Variants in GLI3 observed in about 807,000 individuals in gnomAD.
GLI3 encodes the protein transcription activator GLI3.
GLI3 carries 20 observed loss-of-function variants against 100.8 expected under a neutral mutation model. That is an observed-to-expected ratio of 0.20 (90% CI 0.14 to 0.29). The LOEUF (loss-of-function observed/expected upper bound fraction) is 0.29. GLI3 is among the 10% of genes least tolerant of loss of function. GLI3 has a pLI of 1.00. For synonymous variants in GLI3, 938 were observed against 860.5 expected, an observed-to-expected ratio of 1.09 and a Z score of -1.58; for missense variants, 2,040 against 2,128.5, an observed-to-expected ratio of 0.96 and a Z score of 0.82.
At chr7:42,129,181 T>C (rs846387) in intron 3 of GLI3, among the ~76,000 whole-genome samples, 35,184 of 152,100 alleles carry the variant, frequency 0.23, 4,364 homozygotes, top group Admixed American at 0.35. Flanking sequence ...TTAAGTAATT[T>C]AATCCTCAAA....
chr7:42,084,902 T>C (rs1785069621), intron 3 of GLI3, among the ~76,000 whole-genome samples: 2 of 23,138 alleles, frequency 8.6e-5, no homozygotes, highest in African/African-American at 5.3e-4. Context: ...ATTTGGATTC[T>C]TTTTTTTTTT....
At chr7:42,115,262 C>T (rs540135720) in intron 3 of GLI3, among the ~76,000 whole-genome samples, 1 of 151,598 alleles carries the variant, frequency 6.6e-6, no homozygotes, top group African/African-American at 2.4e-5. Flanking sequence ...CCTCAGCCTC[C>T]TGAGTAGCTG....
intron 3 of GLI3, among the ~76,000 whole-genome samples, chr7:42,081,891 A>G (rs1785004183): frequency 6.6e-6 from 1 of 152,142 alleles, no homozygotes; most frequent in African/African-American, 2.4e-5. Flanking sequence ...TGCTAAGTGC[A>G]GAAGTCCTCA....
chr7:42,210,679 C>A (rs3801225), intron 2 of GLI3, among the ~76,000 whole-genome samples: 55,533 of 151,546 alleles, frequency 0.37, 12,002 homozygotes, highest in East Asian at 0.72. Context: ...AAAATCATAT[C>A]TTTTTTTTTC....
chr7:42,061,439 C>T (rs1233867458), intron 4 of GLI3, among the ~76,000 whole-genome samples: 1 of 152,034 alleles, frequency 6.6e-6, no homozygotes, highest in Non-Finnish European at 1.5e-5. Flanking sequence ...TCCTACTTCC[C>T]CTGATTCTTT....
Position 41,964,233 on chromosome 7 carries a change from AATAC to A in GLI3, c.*93_*96del. 1 of 1,015,536 alleles carries A rather than the reference AATAC, an allele frequency of 9.8e-7. No individual in the cohort carries two copies. Among genetic ancestry groups the A allele is most frequent in the Non-Finnish European group, 1.5e-6 (1 of 656,374 alleles). 62.9% of individuals were successfully genotyped at this position (1,015,536 alleles called of 1,614,324 possible). ...CAGTTAGGTGAGATGAGATTGCTAAAATACATACAGAACTAAAAAAACAGCCAAA... is the reference window on the plus strand; with the variant it reads ...CAGTTAGGTGAGATGAGATTGCTAAAATACAGAACTAAAAAAACAGCCAAA... On this transcript the variant is annotated 3_prime_UTR_variant, in exon 15 of 15. Transcript: ENST00000395925.
rs751524763 is a variant in GLI3 at position 41,978,585 on chromosome 7, A to G, written c.1647+14T>C. ...AAGGACCCAAGTGTGCCTGCCACCC[A>G]CTTCTGTACTCACAGTGCATTTGTG... On this transcript the variant is annotated intron_variant, in intron 11 of 14. Transcript: ENST00000395925. The G allele has an allele frequency of 4.3e-6, 7 of 1,613,826 alleles. No homozygotes were observed. In the South Asian group the frequency reaches 5.5e-5, roughly 13 times the overall value.
rs570829058 is a variant in GLI3, at chr7:42,172,820, T to C, written c.125-24352A>G. 14 of 572,250 alleles carry C rather than the reference T, an allele frequency of 2.4e-5. No homozygotes were observed. In the East Asian group the frequency reaches 3.9e-4, roughly 16 times the overall value. The allele number at this position is 572,250 out of a possible 1,614,324, so 35.4% of individuals were successfully genotyped here. A position where few individuals can be genotyped will look rare whatever the true frequency, so the allele number is the denominator to read the frequency against. On this transcript the variant is annotated intron_variant, in intron 2 of 14. Coordinates refer to ENST00000395925, the MANE Select transcript of GLI3 (RefSeq NM_000168.6). ...GCCATTTATGACTCTCAAAGAGCCATTCACCTTCTACCTAATATCACTCTC... is the reference window on the plus strand; with the variant it reads ...GCCATTTATGACTCTCAAAGAGCCACTCACCTTCTACCTAATATCACTCTC...
chr7:42,139,771 G>A (rs1009918128), intron 3 of GLI3, among the ~76,000 whole-genome samples: 2 of 152,210 alleles, frequency 1.3e-5, no homozygotes, highest in Non-Finnish European at 2.9e-5. Flanking sequence ...GGACGCCTGG[G>A]AGGGGAGCCC....
At position 41,989,472 on chromosome 7, in the gene GLI3, T is replaced by C. The variant is rs182484086; in HGVS notation, c.1498-10724A>G. The stretch of plus-strand genomic sequence containing the variant: ...GCCAGAGGAGCTAAGAAAGTGGCTA[T>C]AAATGCAACCTCTCCGAAGGATCAA... On this transcript the variant is annotated intron_variant, in intron 10 of 14. Transcript: ENST00000395925. Among the ~76,000 whole-genome samples the C allele has an allele frequency of 1.2e-3, 181 of 152,314 alleles. 1 individual carries two copies. The highest frequency in any genetic ancestry group is 4.3e-3 in the African/African-American group (177 of 41,578).
intron 3 of GLI3, among the ~76,000 whole-genome samples, chr7:42,103,742 A>AG (rs139157487): frequency 0.49 from 74,048 of 151,358 alleles, 19,757 homozygotes; most frequent in East Asian, 0.7. Flanking sequence ...TCACCTATCC[A>AG]AGAGCACCCA....
rs570557499 is a variant in GLI3 at position 41,998,139 on chromosome 7, T to C, written c.1498-19391A>G. On this transcript the variant is annotated intron_variant, in intron 10 of 14. Transcript: ENST00000395925. ...TAAGGTAATGCTTGGAAAGAGGCGG[T>C]AAAGGATGGAAATGGTCACTAGGGA... 7.9e-5 allele frequency among the ~76,000 whole-genome samples: 12 copies of C among 152,188 alleles called. No individual in the cohort carries two copies. The South Asian group carries it at 2.5e-3, about 32-fold the overall frequency.
intron 3 of GLI3, among the ~76,000 whole-genome samples, chr7:42,108,620 C>T (rs1256721130): frequency 6.6e-6 from 1 of 152,120 alleles, no homozygotes; most frequent in African/African-American, 2.4e-5. Context: ...AAACACAACT[C>T]AGCTAGAAGT....
chr7:42,241,442 A>G (rs997835945), upstream of GLI3, among the ~76,000 whole-genome samples: 3 of 152,146 alleles, frequency 2.0e-5, no homozygotes, highest in African/African-American at 7.2e-5. Context: ...GCATGTAAGG[A>G]AAGTACTAGG....
intron 4 of GLI3, among the ~76,000 whole-genome samples, chr7:42,075,393 C>T (rs1012115851): frequency 3.3e-5 from 5 of 152,110 alleles, no homozygotes; most frequent in Middle Eastern, 3.2e-3. Flanking sequence ...AACCATGGGG[C>T]AGATCCTCAT....
chr7:42,045,641 G>A, intron 5 of GLI3, 111 bp from the exon 6 acceptor site: 2 of 909,412 alleles, frequency 2.2e-6, no homozygotes, highest in Non-Finnish European at 3.5e-6. Context: ...TTCCTTTTAT[G>A]GCTTATTAGA....
intron 10 of GLI3, among the ~76,000 whole-genome samples, chr7:42,008,105 A>G (rs570697992): frequency 5.9e-5 from 9 of 152,298 alleles, no homozygotes; most frequent in Admixed American, 5.9e-4. Context: ...GACTAAGTAA[A>G]TCTAGTCCAG....
At chr7:41,971,326 T>C (rs1403698142) in intron 13 of GLI3, among the ~76,000 whole-genome samples, 1 of 152,216 alleles carries the variant, frequency 6.6e-6, no homozygotes, top group Admixed American at 6.5e-5. Flanking sequence ...TTCTCTCTGG[T>C]ACACTTCCTT....
intron 2 of GLI3, among the ~76,000 whole-genome samples, chr7:42,206,581 CAT>C (rs1788158058): frequency 6.6e-6 from 1 of 152,010 alleles, no homozygotes; most frequent in South Asian, 2.1e-4. Context: ...CAATAAGTAA[CAT>C]AGTTCTACAA....
Sources: allele counts gnomAD v4.1 joint callset (sites outside exome capture counted in the v4.1 genomes callset), GRCh38; gene constraint gnomAD v4.1.1; transcripts MANE v1.5; gene names NCBI Gene and HGNC (gene_info 2026-07-23, HGNC 2026-07-21).